Variants in AGBL4 observed in about 807,000 individuals in gnomAD.
The protein encoded by AGBL4 is cytosolic carboxypeptidase 6.
In AGBL4, 58 loss-of-function variants were observed where a neutral mutation model predicts 66.4. That is an observed-to-expected ratio of 0.87 (90% CI 0.71 to 1.09). AGBL4 has a LOEUF of 1.09. AGBL4 is among the 50% of genes least tolerant of loss of function. The pLI, the probability that AGBL4 is intolerant of heterozygous loss-of-function variation, is 0.00. For missense variants in AGBL4, 579 were observed against 631.0 expected (o/e 0.92, Z 0.88); for synonymous variants, 234 against 222.9 (o/e 1.05, Z -0.44).
chr1:48,530,289 A>C (rs1643898440), downstream of AGBL4, among the ~76,000 whole-genome samples: 1 of 152,230 alleles, frequency 6.6e-6, no homozygotes, highest in Non-Finnish European at 1.5e-5. Flanking sequence ...GGAACATTGA[A>C]TAAGGCAATG....
intron 3 of AGBL4, among the ~76,000 whole-genome samples, chr1:49,677,685 G>T (rs1169797487): frequency 6.6e-6 from 1 of 152,118 alleles, no homozygotes; most frequent in Non-Finnish European, 1.5e-5. Flanking sequence ...CCCAAAATTA[G>T]TATTTTGAAG....
chr1:49,679,042 T>C (rs1224419799), intron 3 of AGBL4, among the ~76,000 whole-genome samples: 1 of 152,126 alleles, frequency 6.6e-6, no homozygotes, highest in East Asian at 1.9e-4. Flanking sequence ...GTTCTATAAA[T>C]GTTGATTGAT....
chr1:49,802,263 G>C lies in AGBL4; in HGVS notation c.157+49133C>G, dbSNP rs550874585. On this transcript the variant is annotated intron_variant, in intron 2 of 13. Transcript: ENST00000371839. ...GAGAGCCTATAAACAGACACATCGGGGGGGGTCGCCTGTCTATATGGATAA... is the reference window on the plus strand; with the variant it reads ...GAGAGCCTATAAACAGACACATCGGCGGGGGTCGCCTGTCTATATGGATAA... Among the ~76,000 whole-genome samples, 1,056 of 152,194 alleles carry C rather than the reference G, an allele frequency of 6.9e-3. 5 individuals carry two copies. The highest frequency in any genetic ancestry group is 0.031 in the Middle Eastern group (9 of 294).
At position 49,944,341 on chromosome 1, in the gene AGBL4, C is replaced by T. The variant is rs191257892; in HGVS notation, c.34+79422G>A. ...TCACCAGAGCAGATGGTGGTATCCA[C>T]GGCTAAGAGAACCTCAGATGTTTCA... On this transcript the variant is annotated intron_variant, in intron 1 of 13. Coordinates refer to ENST00000371839, the MANE Select transcript of AGBL4 (RefSeq NM_032785.4). 6.7e-4 allele frequency among the ~76,000 whole-genome samples: 102 copies of T among 152,196 alleles called. 1 individual carries two copies. Among genetic ancestry groups the T allele is most frequent in the Admixed American group, 2.1e-3 (32 of 15,258 alleles).
chr1:49,569,020 C>T (rs964521012), intron 3 of AGBL4, among the ~76,000 whole-genome samples: 2 of 152,134 alleles, frequency 1.3e-5, no homozygotes, highest in South Asian at 2.1e-4. Context: ...AAATGTGATA[C>T]ATAGACACAA....
intron 4 of AGBL4, among the ~76,000 whole-genome samples, chr1:49,106,464 G>A (rs1645294988): frequency 6.6e-6 from 1 of 152,128 alleles, no homozygotes; most frequent in Non-Finnish European, 1.5e-5. Context: ...TGCTTGGATG[G>A]CTACTGAATT....
At chr1:49,050,861 G>C (rs75592992) in intron 4 of AGBL4, among the ~76,000 whole-genome samples, 6,840 of 152,140 alleles carry the variant, frequency 0.045, 213 homozygotes, top group East Asian at 0.11. Context: ...GGAGCTCAAC[G>C]TATTTTGTTA....
chr1:49,133,682 A>G (rs1298221919), intron 4 of AGBL4, among the ~76,000 whole-genome samples: 1 of 152,118 alleles, frequency 6.6e-6, no homozygotes, highest in African/African-American at 2.4e-5. Context: ...CAGTTTGACA[A>G]TATGTGGATG....
At chr1:48,682,399 A>G (rs1398387937) in intron 6 of AGBL4, among the ~76,000 whole-genome samples, 1 of 151,046 alleles carries the variant, frequency 6.6e-6, no homozygotes, top group East Asian at 1.9e-4. Flanking sequence ...TTACAGGTTA[A>G]CAGCACATCT....
intron 4 of AGBL4, chr1:49,048,399 G>A (rs75675113): frequency 0.043 from 6,580 of 152,080 alleles, 174 homozygotes; most frequent in East Asian, 0.074. Flanking sequence ...TGCAGCTGTC[G>A]AGCTCCTCTC....
At chr1:49,292,657 C>T (rs1490503869) in intron 3 of AGBL4, among the ~76,000 whole-genome samples, 2 of 152,134 alleles carry the variant, frequency 1.3e-5, no homozygotes, top group Non-Finnish European at 2.9e-5. Flanking sequence ...CTACCCTCTC[C>T]AGGGCCTCCT....
At chr1:49,254,203 A>G (rs1440147876) in intron 3 of AGBL4, among the ~76,000 whole-genome samples, 2 of 152,164 alleles carry the variant, frequency 1.3e-5, no homozygotes, top group African/African-American at 4.8e-5. Context: ...AGGGCATCCA[A>G]ATAGAAGGAG....
chr1:48,535,229 G>C (rs1296724606), intron 12 of AGBL4, among the ~76,000 whole-genome samples: 1 of 152,060 alleles, frequency 6.6e-6, no homozygotes, highest in African/African-American at 2.4e-5. Flanking sequence ...GGACACGAGA[G>C]AGCAAGGAGC....
At chr1:49,541,473 C>T (rs944061400) in intron 3 of AGBL4, among the ~76,000 whole-genome samples, 2 of 152,202 alleles carry the variant, frequency 1.3e-5, no homozygotes, top group African/African-American at 4.8e-5. Context: ...GGCTTAGCAC[C>T]CGGGCCAGGA....
At chr1:49,149,121 T>C (rs1646277136) in intron 4 of AGBL4, among the ~76,000 whole-genome samples, 1 of 152,234 alleles carries the variant, frequency 6.6e-6, no homozygotes, top group Non-Finnish European at 1.5e-5. Flanking sequence ...TTACAGCAAC[T>C]GAAGATAGCA....
rs560751097 is a variant in AGBL4, at chr1:49,484,417, G to A, written c.282+212896C>T. On this transcript the variant is annotated intron_variant, in intron 3 of 13. Transcript: ENST00000371839. Reference sequence around the variant, plus strand: ...ATACACAATGGAGTACTATTCAGCCGTAAAAAAAGAATGAGATCTTTTCAT... The same window carrying A: ...ATACACAATGGAGTACTATTCAGCCATAAAAAAAGAATGAGATCTTTTCAT... Among the ~76,000 whole-genome samples the A allele has an allele frequency of 2.9e-3, 438 of 152,066 alleles. 3 individuals carry two copies. The highest frequency in any genetic ancestry group is 6.2e-3 in the South Asian group (30 of 4,820).
intron 5 of AGBL4, among the ~76,000 whole-genome samples, chr1:48,950,019 A>C (rs1010240402): frequency 1.3e-5 from 2 of 152,168 alleles, no homozygotes; most frequent in Non-Finnish European, 2.9e-5. Context: ...GCATATTATA[A>C]CAATCTACTA....
intron 1 of AGBL4, among the ~76,000 whole-genome samples, chr1:49,948,193 T>C (rs1310237564): frequency 2.4e-4 from 24 of 98,004 alleles, no homozygotes; most frequent in South Asian, 1.7e-3. Context: ...TATATAAATA[T>C]ATATAAATAT....
intron 6 of AGBL4, among the ~76,000 whole-genome samples, chr1:48,758,042 C>T (rs937057697): frequency 6.6e-6 from 1 of 152,208 alleles, no homozygotes; most frequent in South Asian, 2.1e-4. Flanking sequence ...AAAGCTGCTG[C>T]CTTTCAGGTT....
Sources: allele counts gnomAD v4.1 joint callset (sites outside exome capture counted in the v4.1 genomes callset), GRCh38; gene constraint gnomAD v4.1.1; transcripts MANE v1.5; gene names NCBI Gene and HGNC (gene_info 2026-07-23, HGNC 2026-07-21).